The following LTF variants were observed in gnomAD, a reference collection of about 807,000 sequenced individuals.
LTF encodes lactotransferrin.
A neutral mutation model predicts 87.2 loss-of-function variants in LTF; 91 were observed. The observed-to-expected ratio is 1.04, with a 90% CI of 0.88 to 1.24. The LOEUF (loss-of-function observed/expected upper bound fraction) is 1.24. Ranked by LOEUF, LTF falls within the 50% of genes most tolerant of loss-of-function variation. The pLI, the probability that LTF is intolerant of heterozygous loss-of-function variation, is 0.00. For synonymous variants in LTF, 378 were observed against 356.1 expected (o/e 1.06, Z -0.69); for missense variants, 901 against 904.3 (o/e 1.00, Z 0.05).
At position 46,443,543 on chromosome 3, in the gene LTF, G is replaced by C. The variant is rs368369338; in HGVS notation, c.1553C>G (p.Pro518Arg). The C allele has an allele frequency of 1.9e-6, 3 of 1,614,116 alleles. No individual in the cohort carries two copies. Among genetic ancestry groups the C allele is most frequent in the Non-Finnish European group, 2.5e-6 (3 of 1,180,024 alleles). ...ACACAGAGCACAGAGATTAGATCTC[G>C]GGTCAGACCCAGGGGCACAGCTTTG... ...FSQSCAPGSD[P>R]RSNLCALCIG... Residue 518 changes from proline to arginine, a missense_variant, in exon 13 of 17, where the codon CCG (proline) becomes CGG (arginine). Transcript: ENST00000231751.
intron 6 of LTF, among the ~76,000 whole-genome samples, chr3:46,452,451 T>A (rs946852567): frequency 1.3e-5 from 2 of 152,234 alleles, no homozygotes; most frequent in African/African-American, 4.8e-5. Context: ...ACAATTTAAA[T>A]TCAGTACAAT....
chr3:46,435,859 C>T lies in LTF; in HGVS notation c.*336G>A, dbSNP rs1702373490. The T allele has an allele frequency of 6.0e-6, 2 of 335,572 alleles. No individual in the cohort carries two copies. Among genetic ancestry groups the T allele is most frequent in the South Asian group, 3.5e-5 (1 of 28,916 alleles). 20.8% of individuals were successfully genotyped at this position (335,572 alleles called of 1,614,324 possible). On this transcript the variant is annotated 3_prime_UTR_variant, in exon 17 of 17. Transcript: ENST00000231751. ...CCGGTGCTTGGCCTGGCCTTAAATTCCAGACCCTTGGGCATCATACCCAAG... is the reference window on the plus strand; with the variant it reads ...CCGGTGCTTGGCCTGGCCTTAAATTTCAGACCCTTGGGCATCATACCCAAG...
rs768123336 is a variant in LTF at position 46,448,994 on chromosome 3, G to A, written c.1081C>T (p.Arg361Cys). Residue 361 changes from arginine to cysteine, a missense_variant, in exon 9 of 17, where the codon CGT (arginine) becomes TGT (cysteine). By Grantham distance (180) the Arg-to-Cys change is radical (BLOSUM62 -3). Transcript: ENST00000231751. The part of the protein sequence containing the change: ...RKSEEEVAAR[R>C]ARVVWCAVGE... The stretch of plus-strand genomic sequence containing the variant: ...ACCGCACACCACACGACCCGCGCAC[G>A]CCGGGCAGCCACTTCCTCCTCACCT... The A allele has an allele frequency of 9.9e-6, 16 of 1,609,700 alleles. No homozygotes were observed. Among genetic ancestry groups the A allele is most frequent in the Admixed American group, 3.4e-5 (2 of 59,162 alleles).
At chr3:46,456,572 G>A (rs746310916) in intron 2 of LTF, among the ~76,000 whole-genome samples, 174 bp from the exon 3 acceptor site, 5 of 152,106 alleles carry the variant, frequency 3.3e-5, no homozygotes, top group Non-Finnish European at 5.9e-5. Flanking sequence ...CCCCTGTTTT[G>A]GGACAGTGAG....
intron 13 of LTF, among the ~76,000 whole-genome samples, chr3:46,443,181 C>A (rs542052135): frequency 8.2e-4 from 125 of 152,350 alleles, no homozygotes; most frequent in Middle Eastern, 6.8e-3. Flanking sequence ...GCTATTGAGG[C>A]CTACTGCTGT....
chr3:46,443,330 T>C (rs570483595), intron 13 of LTF, 111 bp downstream of exon 13: 1 of 1,324,404 alleles, frequency 7.6e-7, no homozygotes, highest in South Asian at 1.3e-5. Flanking sequence ...ACCCACAGGA[T>C]GACCCCCACT....
In LTF at chr3:46,456,318, T is replaced by C. The variant is rs1189467388; in HGVS notation, c.288A>G (p.Val96=). ...AGLAPYKLRP[V]AAEVYGTERQ... Reference sequence around the variant, plus strand: ...TTTCGGTCCCGTAGACTTCCGCCGCTACAGGTCGCAGTTTGTAGGGGGCCA... The same window carrying C: ...TTTCGGTCCCGTAGACTTCCGCCGCCACAGGTCGCAGTTTGTAGGGGGCCA... The change falls in exon 3 of 17, where the codon GTA becomes GTG. Residue 96 remains valine (V), a synonymous_variant. Coordinates refer to ENST00000231751, the MANE Select transcript of LTF (RefSeq NM_002343.6). 3.1e-6 allele frequency: 5 copies of C among 1,613,996 alleles called. No homozygotes were observed. Among genetic ancestry groups the C allele is most frequent in the East Asian group, 4.5e-5 (2 of 44,886 alleles).
chr3:46,439,242 A>T, intron 15 of LTF, 54 bp downstream of exon 15: 1 of 1,518,784 alleles, frequency 6.6e-7, no homozygotes, highest in Non-Finnish European at 8.9e-7. Context: ...TGATCTCCTC[A>T]CCTAACATGA....
chr3:46,447,864 C>T (rs1559597318), intron 9 of LTF, among the ~76,000 whole-genome samples: 1 of 152,170 alleles, frequency 6.6e-6, no homozygotes, highest in Admixed American at 6.5e-5. Context: ...AACACAGGAT[C>T]ATGGACTCAT....
At chr3:46,436,865 C>A (rs572906069) in intron 16 of LTF, among the ~76,000 whole-genome samples, 3 of 152,322 alleles carry the variant, frequency 2.0e-5, no homozygotes, top group African/African-American at 7.2e-5. Context: ...CCCTTTATTG[C>A]AGGGGGCTGG....
At chr3:46,457,300 T>G (rs1425077559) in intron 2 of LTF, among the ~76,000 whole-genome samples, 2 of 152,286 alleles carry the variant, frequency 1.3e-5, no homozygotes, top group South Asian at 2.1e-4. Flanking sequence ...TAATGTTTTC[T>G]CATAATGTGG....
intron 1 of LTF, among the ~76,000 whole-genome samples, chr3:46,479,687 C>A (rs570111408): frequency 6.6e-6 from 1 of 152,150 alleles, no homozygotes; most frequent in East Asian, 1.9e-4. Context: ...CCACCCCTGG[C>A]TAATTTTTGT....
upstream of LTF, among the ~76,000 whole-genome samples, chr3:46,468,778 C>T (rs1397285248): frequency 2.6e-5 from 4 of 152,338 alleles, no homozygotes; most frequent in South Asian, 2.1e-4. Context: ...CTTTTCCCTG[C>T]CAGTGGTGAG....
chr3:46,460,164 C>T (rs902280728), intron 1 of LTF, among the ~76,000 whole-genome samples: 2 of 152,142 alleles, frequency 1.3e-5, no homozygotes, highest in Admixed American at 6.5e-5. Context: ...CCACTTTGAA[C>T]CTGGAAGGTA....
intron 1 of LTF, among the ~76,000 whole-genome samples, chr3:46,479,209 G>T (rs989060354): frequency 3.9e-5 from 6 of 152,248 alleles, no homozygotes; most frequent in Non-Finnish European, 8.8e-5. Flanking sequence ...CTCTGGAGGA[G>T]GGGCAGCCTG....
At chr3:46,440,325 A>G in intron 14 of LTF, among the ~76,000 whole-genome samples, 1 of 152,226 alleles carries the variant, frequency 6.6e-6, no homozygotes, top group East Asian at 1.9e-4. Flanking sequence ...TTCAAATGCT[A>G]TTAGTGTAAC....
In LTF at chr3:46,459,833, G is replaced by T. The variant is rs1575321346; in HGVS notation, c.44-14C>A. The T allele has an allele frequency of 3.3e-6, 5 of 1,514,568 alleles. No homozygotes were observed. Among genetic ancestry groups the T allele is most frequent in the Non-Finnish European group, 3.5e-6 (4 of 1,137,030 alleles). The allele number at this position is 1,514,568 out of a possible 1,614,324, so 93.8% of individuals were successfully genotyped here. On this transcript the variant is annotated splice_polypyrimidine_tract_variant and intron_variant, in intron 1 of 16. Coordinates refer to ENST00000231751, the MANE Select transcript of LTF (RefSeq NM_002343.6). ...CCAGACACAGTCCTGGGAGAGAGGG[G>T]CCAAGGAGTAAGGATTCAACCACTG...
intron 1 of LTF, among the ~76,000 whole-genome samples, chr3:46,477,057 G>A (rs577803780): frequency 5.9e-5 from 9 of 152,294 alleles, no homozygotes; most frequent in Admixed American, 2.6e-4. Context: ...ATATGACTAC[G>A]TTCTGCTTTA....
At chr3:46,466,808 T>G (rs570533828), upstream of LTF, among the ~76,000 whole-genome samples, 1 of 152,360 alleles carries the variant, frequency 6.6e-6, no homozygotes, top group East Asian at 1.9e-4. Context: ...CTGAAGCATC[T>G]TTGTACCTAA....
Sources: gnomAD v4.1 joint callset for allele counts (sites outside exome capture counted in the v4.1 genomes callset) on GRCh38, gnomAD v4.1.1 for gene constraint, MANE v1.5 for transcripts, NCBI Gene and HGNC (gene_info 2026-07-23, HGNC 2026-07-21) for gene names.